IL1RAPL2: variants seen among roughly 807,000 people sequenced by gnomAD.
IL1RAPL2 encodes interleukin 1 receptor accessory protein like 2, also known as X-linked interleukin-1 receptor accessory protein-like 2.
A neutral mutation model predicts 44.1 loss-of-function variants in IL1RAPL2; 3 were observed. That is an observed-to-expected ratio of 0.07 (90% CI 0.03 to 0.18). The LOEUF (loss-of-function observed/expected upper bound fraction) is 0.18, where lower values mean the gene tolerates loss of function less well. Ranked by LOEUF, IL1RAPL2 falls within the 10% of genes least tolerant of loss-of-function variation. The pLI is 1.00. For synonymous variants in IL1RAPL2, 181 were observed against 178.8 expected (o/e 1.01, Z -0.10); for missense variants, 391 against 496.4 (o/e 0.79, Z 2.02).
chrX:104,667,338 G>A (rs938769500), intron 2 of IL1RAPL2, among the ~76,000 whole-genome samples: 17 of 111,684 alleles, frequency 1.5e-4, no homozygotes, highest in African/African-American at 5.5e-4. Context: ...AATGTCTTAT[G>A]ATGGGTCCCT....
intron 2 of IL1RAPL2, among the ~76,000 whole-genome samples, chrX:105,078,654 G>T (rs913281851): frequency 8.9e-6 from 1 of 112,691 alleles, no homozygotes; most frequent in Non-Finnish European, 1.9e-5. Context: ...AGGCAGGCAG[G>T]CCTCCTTGAG....
chrX:104,983,556 ATATTATATAT>A (rs1281584153), intron 2 of IL1RAPL2, among the ~76,000 whole-genome samples: 2 of 90,073 alleles, frequency 2.2e-5, no homozygotes, highest in African/African-American at 8.8e-5. Context: ...TATTATAGAC[ATATTATATAT>A]TATATTATAG....
At chrX:105,161,918 C>T (rs775822662) in intron 2 of IL1RAPL2, among the ~76,000 whole-genome samples, 3 of 111,733 alleles carry the variant, frequency 2.7e-5, no homozygotes, top group African/African-American at 6.5e-5. Flanking sequence ...GTCCTAAAAG[C>T]GGTGTTATGG....
chrX:105,047,616 A>G (rs1434564367), intron 2 of IL1RAPL2, among the ~76,000 whole-genome samples: 4 of 110,926 alleles, frequency 3.6e-5, no homozygotes, highest in East Asian at 5.7e-4. Flanking sequence ...ATACCTCCTC[A>G]CCTGCTTGTC....
intron 2 of IL1RAPL2, among the ~76,000 whole-genome samples, chrX:104,826,134 T>C (rs182052349): frequency 1.8e-5 from 2 of 112,099 alleles, no homozygotes; most frequent in East Asian, 5.6e-4. Flanking sequence ...TGTTTTTTTA[T>C]TAGTTATTTC....
intron 2 of IL1RAPL2, among the ~76,000 whole-genome samples, chrX:104,945,841 G>A (rs1488652356): frequency 2.7e-5 from 3 of 111,068 alleles, no homozygotes; most frequent in Non-Finnish European, 3.8e-5. Flanking sequence ...GAGTGTTAAT[G>A]TGCTCCAAAC....
intron 2 of IL1RAPL2, among the ~76,000 whole-genome samples, chrX:104,754,104 C>A: frequency 9.0e-6 from 1 of 111,570 alleles, no homozygotes; most frequent in Non-Finnish European, 1.9e-5. Flanking sequence ...AGCAGCAGGG[C>A]AGAGACAAAA....
chrX:104,941,727 A>G (rs1405118865), intron 2 of IL1RAPL2, among the ~76,000 whole-genome samples: 2 of 110,863 alleles, frequency 1.8e-5, no homozygotes, highest in East Asian at 2.9e-4. Flanking sequence ...GTCAATTTTG[A>G]CTTTTGTTGC....
At chrX:104,776,739 C>A (rs191842886) in intron 2 of IL1RAPL2, among the ~76,000 whole-genome samples, 168 of 111,896 alleles carry the variant, frequency 1.5e-3, no homozygotes, top group Admixed American at 2.7e-3. Flanking sequence ...ATTTATAGAA[C>A]GATTAAGATA....
At chrX:105,581,806 T>C (rs1188885529) in intron 6 of IL1RAPL2, among the ~76,000 whole-genome samples, 1 of 111,544 alleles carries the variant, frequency 9.0e-6, no homozygotes, top group Non-Finnish European at 1.9e-5. Context: ...ATAAAATTGT[T>C]TATCTCACCA....
chrX:105,634,071 C>T (rs890057034), intron 6 of IL1RAPL2, among the ~76,000 whole-genome samples: 2 of 111,217 alleles, frequency 1.8e-5, no homozygotes, highest in South Asian at 3.7e-4. Context: ...TGGGCCTCAA[C>T]TGAGCTCATT....
chrX:104,595,276 T>C (rs760016475), intron 1 of IL1RAPL2, among the ~76,000 whole-genome samples: 3 of 111,407 alleles, frequency 2.7e-5, no homozygotes, highest in African/African-American at 9.8e-5. Flanking sequence ...TCAAAGATTA[T>C]GCCTAGGCTC....
intron 2 of IL1RAPL2, among the ~76,000 whole-genome samples, chrX:104,871,104 T>C (rs1922751196): frequency 9.0e-6 from 1 of 111,468 alleles, no homozygotes; most frequent in Non-Finnish European, 1.9e-5. Flanking sequence ...TAAATGTCTA[T>C]AATGGAAATA....
chrX:104,735,380 C>T (rs968131429), intron 2 of IL1RAPL2, among the ~76,000 whole-genome samples: 6 of 110,761 alleles, frequency 5.4e-5, no homozygotes, highest in Non-Finnish European at 1.1e-4. Context: ...TCTGACTGTT[C>T]CTGATGAACC....
At chrX:105,681,955 G>A (rs1157611720) in intron 6 of IL1RAPL2, among the ~76,000 whole-genome samples, 2 of 111,027 alleles carry the variant, frequency 1.8e-5, no homozygotes, top group African/African-American at 6.5e-5. Flanking sequence ...AAGGATCAGA[G>A]TAAAACAAAC....
intron 2 of IL1RAPL2, among the ~76,000 whole-genome samples, chrX:105,078,919 G>T (rs1400579048): frequency 2.7e-5 from 3 of 112,058 alleles, no homozygotes; most frequent in Non-Finnish European, 5.6e-5. Flanking sequence ...GATTTTCCAG[G>T]TGCCCTCTGT....
chrX:105,539,053 G>A (rs1447989059), intron 6 of IL1RAPL2, among the ~76,000 whole-genome samples: 1 of 110,537 alleles, frequency 9.0e-6, no homozygotes, highest in Non-Finnish European at 1.9e-5. Flanking sequence ...ACAAACAAAT[G>A]GAAAAATATT....
chrX:104,772,358 TG>T (rs1191870405), intron 2 of IL1RAPL2, among the ~76,000 whole-genome samples: 1 of 112,524 alleles, frequency 8.9e-6, no homozygotes, highest in African/African-American at 3.2e-5. Flanking sequence ...GTTTTCCCTA[TG>T]TGCTTTACGT....
intron 6 of IL1RAPL2, among the ~76,000 whole-genome samples, chrX:105,682,128 T>C (rs144227414): frequency 0.022 from 2,469 of 111,948 alleles, 70 homozygotes; most frequent in African/African-American, 0.075. Context: ...CGAAAAAAGT[T>C]TTAGACAAAA....
Sources: allele counts gnomAD v4.1 joint callset (sites outside exome capture counted in the v4.1 genomes callset), GRCh38; gene constraint gnomAD v4.1.1; transcripts MANE v1.5; gene names NCBI Gene and HGNC (gene_info 2026-07-23, HGNC 2026-07-21).